RBMS3: variants seen among roughly 807,000 people sequenced by gnomAD.
The protein encoded by RBMS3 is RNA binding motif single stranded interacting protein 3.
Under a neutral mutation model 66.8 loss-of-function variants are expected in RBMS3, and 27 were observed. The observed-to-expected ratio is 0.40, with a 90% CI of 0.30 to 0.56. The LOEUF (loss-of-function observed/expected upper bound fraction) is 0.56, where lower values mean the gene tolerates loss of function less well. Among genes scored for constraint, RBMS3 ranks in the 20% least tolerant of loss-of-function variants. RBMS3 has a pLI of 0.40. For missense variants in RBMS3, 513 were observed against 549.5 expected, an observed-to-expected ratio of 0.93 and a Z score of 0.66; for synonymous variants, 188 against 183.0, an observed-to-expected ratio of 1.03 and a Z score of -0.22.
chr3:29,487,107 A>G (rs1419046663), intron 2 of RBMS3, among the ~76,000 whole-genome samples: 1 of 152,158 alleles, frequency 6.6e-6, no homozygotes, highest in East Asian at 1.9e-4. Flanking sequence ...GTTAATGGGT[A>G]TGATTGTAGG....
At chr3:29,554,222 A>G (rs2046271008) in intron 3 of RBMS3, among the ~76,000 whole-genome samples, 1 of 152,204 alleles carries the variant, frequency 6.6e-6, no homozygotes, top group African/African-American at 2.4e-5. Flanking sequence ...TCATGTGACT[A>G]ATTTTTACAA....
At chr3:29,917,836 A>G (rs1340996464) in intron 10 of RBMS3, among the ~76,000 whole-genome samples, 3 of 152,164 alleles carry the variant, frequency 2.0e-5, no homozygotes, top group African/African-American at 4.8e-5. Flanking sequence ...TGAACCTTCT[A>G]GAAAATTCCA....
chr3:29,459,654 A>G (rs547563958), intron 2 of RBMS3, among the ~76,000 whole-genome samples: 1 of 152,352 alleles, frequency 6.6e-6, no homozygotes, highest in Admixed American at 6.5e-5. Context: ...GTAAAGGCCC[A>G]GCCCATGAGG....
chr3:29,733,228 C>T (rs2054210218), intron 4 of RBMS3, among the ~76,000 whole-genome samples: 1 of 152,022 alleles, frequency 6.6e-6, no homozygotes. Context: ...CACCACTGCT[C>T]AAGATAATTC....
chr3:29,399,258 T>A (rs937557835), intron 1 of RBMS3, among the ~76,000 whole-genome samples: 2 of 152,178 alleles, frequency 1.3e-5, no homozygotes, highest in South Asian at 4.1e-4. Flanking sequence ...CATCCACACA[T>A]CTATATATGT....
rs779555263 is a variant in RBMS3 at position 29,497,973 on chromosome 3, A to ATTTTTTTTTTTTTTTTTTTTTT, written c.307+9490_307+9511dup. Among the ~76,000 whole-genome samples, 9 of 43,438 alleles carry ATTTTTTTTTTTTTTTTTTTTTT rather than the reference A, an allele frequency of 2.1e-4. 3 individuals carry two copies. Among genetic ancestry groups the ATTTTTTTTTTTTTTTTTTTTTT allele is most frequent in the African/African-American group, 4.9e-4 (5 of 10,156 alleles). The allele number at this position is 43,438 out of a possible 152,430, so 28.5% of individuals were successfully genotyped here. On this transcript the variant is annotated intron_variant, in intron 3 of 14. Transcript: ENST00000383767. ...TCAGAGTTATTCTCTAAAAGTATTC[A>ATTTTTTTTTTTTTTTTTTTTTT]TTTTTTTTTTTTTTTTTTTTTTTTT... is the stretch of plus-strand genomic sequence containing the variant.
At chr3:29,600,741 A>T (rs939402395) in intron 4 of RBMS3, among the ~76,000 whole-genome samples, 2 of 152,086 alleles carry the variant, frequency 1.3e-5, no homozygotes, top group Non-Finnish European at 2.9e-5. Flanking sequence ...AACTGCTGCC[A>T]CTTAAATAGC....
chr3:29,501,592 G>A (rs3773039), intron 3 of RBMS3, among the ~76,000 whole-genome samples: 3,666 of 152,160 alleles, frequency 0.024, 101 homozygotes, highest in Admixed American at 0.089. Context: ...TGCATCAAGG[G>A]TCAGCCCTAT....
chr3:29,993,381 CATTG>C (rs1273031513), intron 14 of RBMS3, among the ~76,000 whole-genome samples: 1 of 151,986 alleles, frequency 6.6e-6, no homozygotes, highest in Non-Finnish European at 1.5e-5. Context: ...TAGCAAGAGA[CATTG>C]ATTGGTGGGA....
At chr3:29,739,474 AAAG>A (rs1226368797) in intron 4 of RBMS3, among the ~76,000 whole-genome samples, 1 of 151,034 alleles carries the variant, frequency 6.6e-6, no homozygotes, top group Non-Finnish European at 1.5e-5. Context: ...AAAAAAAAAA[AAAG>A]AAAAGTTTAT....
intron 2 of RBMS3, among the ~76,000 whole-genome samples, chr3:29,473,459 G>A (rs559095597): frequency 7.0e-4 from 107 of 152,356 alleles, no homozygotes; most frequent in African/African-American, 2.1e-3. Context: ...GATCCCGCAC[G>A]GAGGCCGCAG....
At chr3:29,681,930 C>T (rs2051514670) in intron 4 of RBMS3, among the ~76,000 whole-genome samples, 1 of 152,198 alleles carries the variant, frequency 6.6e-6, no homozygotes, top group East Asian at 1.9e-4. Flanking sequence ...AACCACCATA[C>T]TGTCTTCCAC....
chr3:29,710,396 T>A (rs538035124), intron 4 of RBMS3, among the ~76,000 whole-genome samples: 2 of 152,320 alleles, frequency 1.3e-5, no homozygotes, highest in Non-Finnish European at 2.9e-5. Flanking sequence ...CACTACTACA[T>A]ACATTTTCTC....
intron 4 of RBMS3, among the ~76,000 whole-genome samples, chr3:29,719,249 A>G (rs908074411): frequency 2.0e-5 from 3 of 152,164 alleles, no homozygotes; most frequent in Non-Finnish European, 4.4e-5. Context: ...AATGTTCCTT[A>G]TAAAAGTCTA....
At chr3:29,315,383 C>T (rs2034611352) in intron 1 of RBMS3, among the ~76,000 whole-genome samples, 1 of 151,760 alleles carries the variant, frequency 6.6e-6, no homozygotes, top group Non-Finnish European at 1.5e-5. Context: ...TTCAAAACCT[C>T]ATCCTCATTA....
chr3:29,445,861 C>T lies in RBMS3; in HGVS notation c.248+10946C>T, dbSNP rs145886991. 2.6e-3 allele frequency among the ~76,000 whole-genome samples: 390 copies of T among 152,172 alleles called. 3 individuals carry two copies. Among genetic ancestry groups the T allele is most frequent in the African/African-American group, 9.1e-3 (377 of 41,542 alleles). Reference sequence around the variant, plus strand: ...CTTGAGAAACAAGCACTTTGTTTTACACGGTAAATATGTCCACAGATTTTT... The same window carrying T: ...CTTGAGAAACAAGCACTTTGTTTTATACGGTAAATATGTCCACAGATTTTT... On this transcript the variant is annotated intron_variant, in intron 2 of 14. Coordinates refer to ENST00000383767, the MANE Select transcript of RBMS3 (RefSeq NM_001003793.3).
intron 3 of RBMS3, among the ~76,000 whole-genome samples, chr3:29,552,943 C>T (rs1416610504): frequency 6.6e-6 from 1 of 152,098 alleles, no homozygotes; most frequent in African/African-American, 2.4e-5. Flanking sequence ...TAGTTCAAAA[C>T]CTTGTTCTGC....
chr3:29,443,569 C>T (rs1263179404), intron 2 of RBMS3, among the ~76,000 whole-genome samples: 1 of 152,050 alleles, frequency 6.6e-6, no homozygotes, highest in Non-Finnish European at 1.5e-5. Flanking sequence ...TAATGCATTA[C>T]AGACATATGT....
At chr3:29,906,781 G>A (rs1211432169) in intron 10 of RBMS3, among the ~76,000 whole-genome samples, 2 of 151,896 alleles carry the variant, frequency 1.3e-5, no homozygotes, top group Non-Finnish European at 2.9e-5. Context: ...GTTTCCAGAT[G>A]TTTTTCTGTA....
Sources: gnomAD v4.1 joint callset for allele counts (sites outside exome capture counted in the v4.1 genomes callset) on GRCh38, gnomAD v4.1.1 for gene constraint, MANE v1.5 for transcripts, NCBI Gene and HGNC (gene_info 2026-07-23, HGNC 2026-07-21) for gene names.